Variants in GABRB2 observed in about 807,000 individuals in gnomAD.
The protein encoded by GABRB2 is gamma-aminobutyric acid receptor subunit beta-2.
GABRB2 carries 16 observed loss-of-function variants against 54.7 expected under a neutral mutation model. The ratio of observed to expected loss-of-function variants is 0.29; its 90% CI spans 0.20 to 0.44. The LOEUF (loss-of-function observed/expected upper bound fraction) is 0.44. Among genes scored for constraint, GABRB2 ranks in the 20% least tolerant of loss-of-function variants. GABRB2 has a pLI of 1.00. For synonymous variants in GABRB2, 244 were observed against 233.8 expected (o/e 1.04, Z -0.40); for missense variants, 355 against 644.0 (o/e 0.55, Z 4.86).
intron 3 of GABRB2, among the ~76,000 whole-genome samples, chr5:161,524,296 C>G (rs906736020): frequency 2.7e-5 from 4 of 150,896 alleles, no homozygotes; most frequent in African/African-American, 9.7e-5. Flanking sequence ...TACAATCACT[C>G]TCCTCATTTT....
chr5:161,427,342 G>A (rs1757031668), intron 4 of GABRB2, among the ~76,000 whole-genome samples: 1 of 152,118 alleles, frequency 6.6e-6, no homozygotes, highest in Admixed American at 6.6e-5. Flanking sequence ...GGAGGATTTG[G>A]GTTAAATAGA....
chr5:161,449,221 C>A (rs1302704685), intron 4 of GABRB2, among the ~76,000 whole-genome samples: 1 of 152,116 alleles, frequency 6.6e-6, no homozygotes. Context: ...AACTCATTAG[C>A]AAGTTACTTA....
At chr5:161,339,941 A>G (rs1325619826) in intron 5 of GABRB2, among the ~76,000 whole-genome samples, 1 of 151,980 alleles carries the variant, frequency 6.6e-6, no homozygotes, top group African/African-American at 2.4e-5. Context: ...AATACATGCT[A>G]TGTTTAAGAA....
intron 5 of GABRB2, among the ~76,000 whole-genome samples, chr5:161,365,817 T>A (rs17059365): frequency 0.061 from 9,332 of 152,170 alleles, 718 homozygotes; most frequent in East Asian, 0.17. Context: ...CACAGGAGCC[T>A]CTTAGACAGC....
chr5:161,331,116 C>G lies in GABRB2; in HGVS notation c.844G>C (p.Val282Leu). ...GTGTTGATTGTGGTCATTGTGAGGA[C>G]AGTTGTGATTCCTGAAAAAAAATGG... ...AARVALGITT[V>L]LTMTTINTHL... The change falls in exon 8 of 10, where the codon GTC (valine) becomes CTC (leucine). Residue 282 changes from valine (V) to leucine (L), a missense_variant. Val to Leu is a conservative substitution (Grantham distance 32). Coordinates refer to ENST00000393959, the MANE Select transcript of GABRB2 (RefSeq NM_001371727.1). The G allele has an allele frequency of 6.4e-7, 1 of 1,569,860 alleles. No homozygotes were observed. The highest frequency in any genetic ancestry group is 8.6e-7 in the Non-Finnish European group (1 of 1,156,578).
chr5:161,395,361 A>T (rs183973248), intron 5 of GABRB2, among the ~76,000 whole-genome samples: 1 of 152,134 alleles, frequency 6.6e-6, no homozygotes, highest in African/African-American at 2.4e-5. Context: ...ATTAACAAAC[A>T]TGATTGGGAA....
chr5:161,291,457 C>A lies in GABRB2; in HGVS notation c.*2624G>T, dbSNP rs1401247983. The A allele has an allele frequency of 1.3e-5, 2 of 152,148 alleles. No homozygotes were observed. The highest frequency in any genetic ancestry group is 2.9e-5 in the Non-Finnish European group (2 of 68,028). The allele number at this position is 152,148 out of a possible 1,614,324, so 9.4% of individuals were successfully genotyped here. On this transcript the variant is annotated 3_prime_UTR_variant, in exon 10 of 10. Coordinates refer to ENST00000393959, the MANE Select transcript of GABRB2 (RefSeq NM_001371727.1). Reference sequence around the variant, plus strand: ...CGAAACATATATTTAAGAACAAATTCTACATCTACTGTTATTTCTGGAGAG... The same window carrying A: ...CGAAACATATATTTAAGAACAAATTATACATCTACTGTTATTTCTGGAGAG...
chr5:161,474,741 T>C (rs763554079), intron 3 of GABRB2, among the ~76,000 whole-genome samples: 1 of 151,984 alleles, frequency 6.6e-6, no homozygotes, highest in African/African-American at 2.4e-5. Context: ...ACGTCAGATA[T>C]AATACCAGAG....
rs551691604 is a variant in GABRB2, at chr5:161,348,563, T to C, written c.542-11794A>G. Among the ~76,000 whole-genome samples, 22 of 152,208 alleles carry C rather than the reference T, an allele frequency of 1.4e-4. No individual in the cohort carries two copies. In the South Asian group the frequency reaches 4.6e-3, roughly 32 times the overall value. On this transcript the variant is annotated intron_variant, in intron 5 of 9. Transcript: ENST00000393959. ...GAAGAAAGTGTTGACCTCAAGGACA[T>C]ATCAAAAGGGTCTCCGAAACCCCCA...
In GABRB2 at chr5:161,291,281, A is replaced by G. The variant is rs1757231152; in HGVS notation, c.*2800T>C. ...TATAATTAAAAGAAAATCTATACAT[A>G]TGTATAAACTGATAGTAATCCCATA... On this transcript the variant is annotated 3_prime_UTR_variant, in exon 10 of 10. Coordinates refer to ENST00000393959, the MANE Select transcript of GABRB2 (RefSeq NM_001371727.1). 7.2e-5 allele frequency: 11 copies of G among 152,310 alleles called. No individual in the cohort carries two copies. Among genetic ancestry groups the G allele is most frequent in the Admixed American group, 7.2e-4 (11 of 15,268 alleles). The allele number at this position is 152,310 out of a possible 1,614,324, so 9.4% of individuals were successfully genotyped here.
At chr5:161,541,830 T>A (rs1184493904) in intron 3 of GABRB2, among the ~76,000 whole-genome samples, 1 of 152,250 alleles carries the variant, frequency 6.6e-6, no homozygotes, top group Non-Finnish European at 1.5e-5. Flanking sequence ...TTCACTGGAC[T>A]ACCACTTTCA....
chr5:161,433,129 T>A lies in GABRB2; in HGVS notation c.459-22072A>T, dbSNP rs998349007. The stretch of plus-strand genomic sequence containing the variant: ...TATAAGCTGTAACAGGTATTATGTG[T>A]TAAGAAGCACTCCAGAAAAAAATCC... On this transcript the variant is annotated intron_variant, in intron 4 of 9. Transcript: ENST00000393959. 2.4e-4 allele frequency among the ~76,000 whole-genome samples: 37 copies of A among 152,132 alleles called. 2 individuals are homozygous for A. The highest frequency in any genetic ancestry group is 1.8e-3 in the Admixed American group (28 of 15,250).
chr5:161,497,560 T>TGTG (rs1242027426), intron 3 of GABRB2, among the ~76,000 whole-genome samples: 13 of 80,056 alleles, frequency 1.6e-4, no homozygotes, highest in African/African-American at 4.8e-4. Flanking sequence ...GTGTGTGTGT[T>TGTG]TTATTTAGTA....
chr5:161,536,938 C>A (rs539447607), intron 3 of GABRB2, among the ~76,000 whole-genome samples: 1 of 152,156 alleles, frequency 6.6e-6, no homozygotes, highest in South Asian at 2.1e-4. Context: ...TCCCTACATC[C>A]CTTCAGAACC....
At chr5:161,399,091 T>C (rs1272361566) in intron 5 of GABRB2, among the ~76,000 whole-genome samples, 2 of 152,122 alleles carry the variant, frequency 1.3e-5, no homozygotes, top group South Asian at 2.1e-4. Flanking sequence ...TCTACAAATA[T>C]AGTGTTTGGG....
chr5:161,361,110 A>G (rs962953944), intron 5 of GABRB2, among the ~76,000 whole-genome samples: 1 of 152,076 alleles, frequency 6.6e-6, no homozygotes, highest in African/African-American at 2.4e-5. Context: ...AGCTTTTCTA[A>G]CATAAAAATT....
chr5:161,329,992 C>T (rs1429040811), intron 8 of GABRB2: 1 of 152,142 alleles, frequency 6.6e-6, no homozygotes, highest in Non-Finnish European at 1.5e-5. Context: ...TGGTGATTCT[C>T]AAATTTGGAT....
intron 4 of GABRB2, among the ~76,000 whole-genome samples, chr5:161,453,251 T>C (rs35902116): frequency 0.022 from 3,411 of 152,260 alleles, 61 homozygotes; most frequent in Non-Finnish European, 0.034. Context: ...TCTAAAGAGT[T>C]TGGTAAATTA....
chr5:161,419,993 A>T (rs570168322), intron 4 of GABRB2, among the ~76,000 whole-genome samples: 3 of 152,354 alleles, frequency 2.0e-5, no homozygotes, highest in Non-Finnish European at 4.4e-5. Flanking sequence ...TAAAATGATC[A>T]TGATAAGAAA....
Sources: gnomAD v4.1 joint callset for allele counts (sites outside exome capture counted in the v4.1 genomes callset) on GRCh38, gnomAD v4.1.1 for gene constraint, MANE v1.5 for transcripts, NCBI Gene and HGNC (gene_info 2026-07-23, HGNC 2026-07-21) for gene names.